The following ATP11C variants were observed in gnomAD, a reference collection of about 807,000 sequenced individuals.
ATP11C encodes ATPase phospholipid transporting 11C (ATP11C blood group).
ATP11C carries 36 observed loss-of-function variants against 97.4 expected under a neutral mutation model. The ratio of observed to expected loss-of-function variants is 0.37; its 90% CI spans 0.28 to 0.49. ATP11C has a LOEUF of 0.49. Among genes scored for constraint, ATP11C ranks in the 20% least tolerant of loss-of-function variants. The pLI, the probability that ATP11C is intolerant of heterozygous loss-of-function variation, is 0.98. For missense variants in ATP11C, 730 were observed against 824.6 expected (o/e 0.89, Z 1.40); for synonymous variants, 275 against 290.9 (o/e 0.95, Z 0.56).
intron 6 of ATP11C, 34 bp downstream of exon 6, chrX:139,804,437 G>A (rs749710828): frequency 3.4e-6 from 4 of 1,159,618 alleles, no homozygotes; most frequent in Non-Finnish European, 2.3e-6. Context: ...ACTATCCTGA[G>A]ATCAAAATGT....
chrX:139,907,536 C>T (rs750110429), intron 1 of ATP11C, among the ~76,000 whole-genome samples: 2 of 110,675 alleles, frequency 1.8e-5, no homozygotes, highest in East Asian at 5.7e-4. Flanking sequence ...ATCACGAGGT[C>T]AGGAGATCGA....
At chrX:139,825,362 T>C (rs2083506881) in intron 2 of ATP11C, among the ~76,000 whole-genome samples, 1 of 111,748 alleles carries the variant, frequency 8.9e-6, no homozygotes, top group Admixed American at 9.6e-5. Context: ...CATTTAGCTC[T>C]ACAAGTCCAC....
In ATP11C at chrX:139,768,411, T is replaced by C; in HGVS notation, c.2240A>G (p.Tyr747Cys). Residue 747 changes from tyrosine to cysteine, a missense_variant, in exon 20 of 30, where the codon TAT becomes TGT. Tyr to Cys is a radical substitution (Grantham distance 194). Coordinates refer to ENST00000682941, the MANE Select transcript of ATP11C (RefSeq NM_001353812.2). ...TGTGGAGCCATCTATGATTAATCCA[T>C]ATTCCTGATGTTCTGTCCATGCTCT... Reference protein sequence around the residue: ...FKKAWTEHQEYGLIIDGSTLS... With the variant: ...FKKAWTEHQECGLIIDGSTLS... The C allele has an allele frequency of 8.8e-7, 1 of 1,137,493 alleles. No homozygotes were observed. Among genetic ancestry groups the C allele is most frequent in the Non-Finnish European group, 1.2e-6 (1 of 853,131 alleles). 93.7% of individuals were successfully genotyped at this position (1,137,493 alleles called of 1,213,427 possible).
chrX:139,882,078 C>T, intron 1 of ATP11C, among the ~76,000 whole-genome samples: 1 of 111,659 alleles, frequency 9.0e-6, no homozygotes, highest in Middle Eastern at 4.6e-3. Context: ...CCCAGATCTG[C>T]CTGTCCAAGC....
chrX:139,837,469 A>G (rs998098859), intron 1 of ATP11C, among the ~76,000 whole-genome samples: 1 of 112,318 alleles, frequency 8.9e-6, no homozygotes, highest in South Asian at 3.7e-4. Flanking sequence ...AATTCTCCTG[A>G]CTGCAATGCA....
intron 1 of ATP11C, among the ~76,000 whole-genome samples, chrX:139,915,489 G>T (rs1455511080): frequency 9.1e-6 from 1 of 110,242 alleles, no homozygotes; most frequent in African/African-American, 3.3e-5. Context: ...GGTCAACACA[G>T]TGAAACCCTG....
At chrX:139,838,983 T>C (rs1469553132) in intron 1 of ATP11C, among the ~76,000 whole-genome samples, 2 of 109,835 alleles carry the variant, frequency 1.8e-5, no homozygotes, top group Non-Finnish European at 1.9e-5. Flanking sequence ...CAAATGTCCA[T>C]AACTGATGAA....
At chrX:139,900,956 G>A (rs1457967575) in intron 1 of ATP11C, among the ~76,000 whole-genome samples, 2 of 111,813 alleles carry the variant, frequency 1.8e-5, no homozygotes, top group Admixed American at 9.5e-5. Flanking sequence ...AAGCCAGACA[G>A]TTCCAAAGTG....
intron 23 of ATP11C, among the ~76,000 whole-genome samples, chrX:139,751,958 C>G (rs2081827026): frequency 9.0e-6 from 1 of 111,472 alleles, no homozygotes; most frequent in African/African-American, 3.3e-5. Context: ...CAAAGGTACT[C>G]CAAAGATATT....
chrX:139,751,638 T>C (rs992528892), intron 23 of ATP11C, among the ~76,000 whole-genome samples: 4 of 111,873 alleles, frequency 3.6e-5, no homozygotes, highest in Non-Finnish European at 7.5e-5. Flanking sequence ...AATCTACTTT[T>C]GTTTCACTAT....
At chrX:139,784,233 T>A (rs978293053) in intron 16 of ATP11C, among the ~76,000 whole-genome samples, 4 of 111,967 alleles carry the variant, frequency 3.6e-5, no homozygotes, top group African/African-American at 1.3e-4. Flanking sequence ...CATGTGGACA[T>A]GCACACATAA....
At chrX:139,761,225 C>T (rs1233912672) in intron 22 of ATP11C, among the ~76,000 whole-genome samples, 3 of 111,175 alleles carry the variant, frequency 2.7e-5, no homozygotes, top group South Asian at 3.8e-4. Context: ...GAGCCGAGAT[C>T]GCGCCACTGC....
At chrX:139,834,808 G>C (rs915293225) in intron 1 of ATP11C, among the ~76,000 whole-genome samples, 1 of 111,870 alleles carries the variant, frequency 8.9e-6, no homozygotes, top group Non-Finnish European at 1.9e-5. Flanking sequence ...GTTCCTTAGA[G>C]AAAGGGGAAG....
At chrX:139,809,251 A>G (rs1037880372) in intron 5 of ATP11C, among the ~76,000 whole-genome samples, 12 of 112,682 alleles carry the variant, frequency 1.1e-4, no homozygotes, top group Admixed American at 4.7e-4. Flanking sequence ...AAAATAGTCA[A>G]AAGTTAGAAA....
chrX:139,883,738 A>G (rs749305268), intron 1 of ATP11C, among the ~76,000 whole-genome samples: 4 of 111,904 alleles, frequency 3.6e-5, no homozygotes, highest in Non-Finnish European at 7.5e-5. Context: ...GTAATTGGAA[A>G]AGAGTAAAAT....
intron 1 of ATP11C, among the ~76,000 whole-genome samples, chrX:139,896,229 C>T (rs1464109624): frequency 2.7e-5 from 3 of 110,722 alleles, no homozygotes; most frequent in African/African-American, 9.9e-5. Flanking sequence ...CACTATGTAC[C>T]GTGGATATAT....
intron 27 of ATP11C, among the ~76,000 whole-genome samples, chrX:139,738,680 G>A: frequency 9.0e-6 from 1 of 111,204 alleles, no homozygotes; most frequent in Non-Finnish European, 1.9e-5. Flanking sequence ...AATCCAGCAG[G>A]AACCCCCATT....
At chrX:139,862,796 A>G (rs2084223580) in intron 1 of ATP11C, among the ~76,000 whole-genome samples, 1 of 111,755 alleles carries the variant, frequency 8.9e-6, no homozygotes, top group Non-Finnish European at 1.9e-5. Context: ...GTCAGTTCTA[A>G]CCACACTGGA....
intron 5 of ATP11C, 25 bp from the exon 6 acceptor site, chrX:139,804,624 T>C (rs767483867): frequency 8.8e-7 from 1 of 1,141,610 alleles, no homozygotes; most frequent in Non-Finnish European, 1.2e-6. Flanking sequence ...TAAATATAAA[T>C]ATTTTAAATT....
Sources: allele counts gnomAD v4.1 joint callset (sites outside exome capture counted in the v4.1 genomes callset), GRCh38; gene constraint gnomAD v4.1.1; transcripts MANE v1.5; gene names NCBI Gene and HGNC (gene_info 2026-07-23, HGNC 2026-07-21).